The following FMO3 variants were observed in gnomAD, a reference collection of about 807,000 sequenced individuals.
The protein encoded by FMO3 is flavin containing dimethylaniline monoxygenase 3, also known as flavin-containing monooxygenase 3.
FMO3 carries 40 observed loss-of-function variants against 39.4 expected under a neutral mutation model. The observed-to-expected ratio is 1.02, with a 90% confidence interval of 0.79 to 1.32. The LOEUF is 1.32. FMO3 is among the 40% of genes most tolerant of loss of function. FMO3 has a pLI of 0.00. For synonymous variants in FMO3, 219 were observed against 228.8 expected, an observed-to-expected ratio of 0.96 and a Z score of 0.39; for missense variants, 680 against 651.8, an observed-to-expected ratio of 1.04 and a Z score of -0.47.
intron 4 of FMO3, 104 bp downstream of exon 4, chr1:171,107,941 C>G (rs1655722699): frequency 7.3e-7 from 1 of 1,372,886 alleles, no homozygotes; most frequent in African/African-American, 1.4e-5. Flanking sequence ...TTAAAATATA[C>G]TTCTGTTATA....
At chr1:171,107,959 T>A (rs1484261518) in intron 4 of FMO3, 120 bp from the exon 5 acceptor site, 6 of 1,359,370 alleles carry the variant, frequency 4.4e-6, no homozygotes, top group Non-Finnish European at 6.3e-6. Context: ...ATATCTAATA[T>A]GCTTGGTGTG....
chr1:171,096,297 A>T (rs1451594418), intron 2 of FMO3, among the ~76,000 whole-genome samples: 1 of 95,232 alleles, frequency 1.1e-5, no homozygotes, highest in Non-Finnish European at 1.8e-5. Flanking sequence ...TATATCTATT[A>T]TATATCATAT....
intron 2 of FMO3, among the ~76,000 whole-genome samples, chr1:171,095,186 C>T (rs573822730): frequency 1.6e-4 from 24 of 152,096 alleles, no homozygotes; most frequent in Non-Finnish European, 2.9e-4. Flanking sequence ...TGGCTTTTCC[C>T]ATTCATTTGG....
At chr1:171,091,596 A>C (rs200012237) in intron 1 of FMO3, among the ~76,000 whole-genome samples, 1 of 110,726 alleles carries the variant, frequency 9.0e-6, no homozygotes, top group South Asian at 3.0e-4. Flanking sequence ...TTCTTTCCCC[A>C]ACACCCCCCG....
At position 171,107,779 on chromosome 1, in the gene FMO3, T is replaced by A; in HGVS notation, c.426T>A (p.Ala142=). 6.2e-7 allele frequency: 1 copy of A among 1,613,982 alleles called. No individual in the cohort carries two copies. ...AAAAAGAATCGGCTGTCTTTGATGC[T>A]GTAATGGTTTGTTCCGGACATCATG... The part of the protein sequence containing the change: ...DGKKESAVFD[A]VMVCSGHHVY... Residue 142 remains alanine, a synonymous_variant, in exon 4 of 9, where the codon GCT becomes GCA. Transcript: ENST00000367755.
In FMO3 at chr1:171,114,085, C is replaced by T. The variant is rs2066536; in HGVS notation, c.906C>T (p.Asn302=). 156 of 1,613,680 alleles carry T rather than the reference C, an allele frequency of 9.7e-5. 5 individuals carry two copies. The highest frequency in any genetic ancestry group is 6.0e-4 in the African/African-American group (45 of 75,008). The change falls in exon 7 of 9, where the codon AAC becomes AAT. Residue 302 remains asparagine, a synonymous_variant. Coordinates refer to ENST00000367755, the MANE Select transcript of FMO3 (RefSeq NM_001002294.3). The part of the protein sequence containing the change: ...ILCGIVSVKP[N]VKEFTETSAI... The stretch of plus-strand genomic sequence containing the variant: ...GTGGCATTGTGTCCGTAAAGCCTAA[C>T]GTGAAGGAATTCACAGAGACCTCGG...
chr1:171,101,681 T>A (rs572658329), intron 2 of FMO3: 1 of 489,236 alleles, frequency 2.0e-6, no homozygotes, highest in South Asian at 1.5e-5. Context: ...CTAACCCTGA[T>A]CTAGAGCCAC....
chr1:171,101,987 C>G (rs181395978), intron 2 of FMO3, among the ~76,000 whole-genome samples: 58 of 152,064 alleles, frequency 3.8e-4, no homozygotes, highest in African/African-American at 1.4e-3. Flanking sequence ...TGATTATCAT[C>G]TCTTTAAACT....
chr1:171,099,759 CTTTT>C (rs747274398), intron 2 of FMO3: 19,552 of 117,880 alleles, frequency 0.17, 1,090 homozygotes, highest in Non-Finnish European at 0.21. Flanking sequence ...CCATGTCTTT[CTTTT>C]TTTTTTTTTT....
chr1:171,114,148 C>G lies in FMO3; in HGVS notation c.969C>G (p.Asp323Glu), dbSNP rs115908652. Residue 323 changes from aspartate to glutamate, a missense_variant, in exon 7 of 9, where the codon GAC (aspartate) becomes GAG (glutamate). Physicochemically the swap from Asp to Glu is conservative, Grantham distance 45. Transcript: ENST00000367755. Reference sequence around the variant, plus strand: ...ATGGGACCATATTTGAGGGCATTGACTGTGTAATCTTTGCAACAGGGTATA... The same window carrying G: ...ATGGGACCATATTTGAGGGCATTGAGTGTGTAATCTTTGCAACAGGGTATA... ...FEDGTIFEGI[D>E]CVIFATGYSF... 4.2e-5 allele frequency: 67 copies of G among 1,613,894 alleles called. No homozygotes were observed. Among genetic ancestry groups the G allele is most frequent in the Non-Finnish European group, 5.4e-5 (64 of 1,179,960 alleles).
At position 171,114,056 on chromosome 1, in the gene FMO3, C is replaced by A. The variant is rs770665982; in HGVS notation, c.877C>A (p.Leu293Met). ...VFNDELPASI[L>M]CGIVSVKPNV... is the part of the protein sequence containing the mutation. ...TAACGATGAGCTCCCAGCAAGCATT[C>A]TGTGTGGCATTGTGTCCGTAAAGCC... The change falls in exon 7 of 9, where the codon CTG (leucine) becomes ATG (methionine). Residue 293 changes from leucine (L) to methionine (M), a missense_variant. Coordinates refer to ENST00000367755, the MANE Select transcript of FMO3 (RefSeq NM_001002294.3). 1 of 1,612,682 alleles carries A rather than the reference C, an allele frequency of 6.2e-7. No homozygotes were observed.
At chr1:171,093,506 CATACAT>C (rs1654809714) in intron 2 of FMO3, among the ~76,000 whole-genome samples, 2 of 139,308 alleles carry the variant, frequency 1.4e-5, no homozygotes, top group African/African-American at 6.8e-5. Flanking sequence ...TGCATATATA[CATACAT>C]ATATATGTAT....
rs758185898 is a variant in FMO3 at position 171,116,294 on chromosome 1, T to C, written c.1256+14T>C. On this transcript the variant is annotated intron_variant, in intron 8 of 8. Coordinates refer to ENST00000367755, the MANE Select transcript of FMO3 (RefSeq NM_001002294.3). ...AAAGCGCAAATGGTAAGAGTACCTA[T>C]TGTAATAGGAGTGTAGGATTTCCAT... 10 of 1,365,366 alleles carry C rather than the reference T, an allele frequency of 7.3e-6. No individual in the cohort carries two copies. The highest frequency in any genetic ancestry group is 1.0e-5 in the Non-Finnish European group (10 of 954,636). The allele number at this position is 1,365,366 out of a possible 1,614,324, so 84.6% of individuals were successfully genotyped here.
At chr1:171,102,723 C>T (rs61393221) in intron 2 of FMO3, among the ~76,000 whole-genome samples, 1 of 152,140 alleles carries the variant, frequency 6.6e-6, no homozygotes, top group African/African-American at 2.4e-5. Flanking sequence ...GGCTAAAGAA[C>T]CACAACACAA....
chr1:171,104,607 G>A (rs1655556969), intron 3 of FMO3, among the ~76,000 whole-genome samples: 1 of 152,046 alleles, frequency 6.6e-6, no homozygotes, highest in South Asian at 2.1e-4. Context: ...AAGTGCAATG[G>A]CCCATCTTAT....
intron 4 of FMO3, 33 bp from the exon 5 acceptor site, chr1:171,108,046 C>G: frequency 6.2e-7 from 1 of 1,610,726 alleles, no homozygotes; most frequent in Non-Finnish European, 8.5e-7. Flanking sequence ...ATATATGACT[C>G]AAACTGCCAT....
rs773703723 is a variant in FMO3 at position 171,110,822 on chromosome 1, T to A, written c.652T>A (p.Ser218Thr). 1 of 1,613,862 alleles carries A rather than the reference T, an allele frequency of 6.2e-7. No homozygotes were observed. The highest frequency in any genetic ancestry group is 1.1e-5 in the South Asian group (1 of 91,086). ...GGTCATGATCAGTTCCAGAAGTGGCTCCTGGGTGATGAGCCGGGTCTGGGA... is the reference window on the plus strand; with the variant it reads ...GGTCATGATCAGTTCCAGAAGTGGCACCTGGGTGATGAGCCGGGTCTGGGA... ...EQVMISSRSG[S>T]WVMSRVWDNG... Residue 218 changes from serine to threonine, a missense_variant, in exon 6 of 9, where the codon TCC becomes ACC. By Grantham distance (58) the Ser-to-Thr change is moderately conservative (BLOSUM62 1). Coordinates refer to ENST00000367755, the MANE Select transcript of FMO3 (RefSeq NM_001002294.3).
At chr1:171,108,314 A>C (rs1655746586) in intron 5 of FMO3, 93 bp downstream of exon 5, 1 of 1,458,702 alleles carries the variant, frequency 6.9e-7, no homozygotes, top group African/African-American at 1.4e-5. Flanking sequence ...GGGAGGAGGG[A>C]AGGGTATCTG....
At chr1:171,114,484 T>A in intron 7 of FMO3, 122 bp downstream of exon 7, 1 of 753,716 alleles carries the variant, frequency 1.3e-6, no homozygotes, top group Non-Finnish European at 2.3e-6. Context: ...TTTATAATTC[T>A]ATATTCTTTA....
Sources: gnomAD v4.1 joint callset for allele counts (sites outside exome capture counted in the v4.1 genomes callset) on GRCh38, gnomAD v4.1.1 for gene constraint, MANE v1.5 for transcripts, NCBI Gene and HGNC (gene_info 2026-07-23, HGNC 2026-07-21) for gene names.